The following PSD3 variants were observed in gnomAD, a reference collection of about 807,000 sequenced individuals.
The protein encoded by PSD3 is PH and SEC7 domain-containing protein 3.
Under a neutral mutation model 105.5 loss-of-function variants are expected in PSD3, and 49 were observed. That is an observed-to-expected ratio of 0.46 (90% CI 0.37 to 0.59). The LOEUF (loss-of-function observed/expected upper bound fraction) is 0.59. Among genes scored for constraint, PSD3 ranks in the 20% least tolerant of loss-of-function variants. The probability of loss-of-function intolerance (pLI) is 0.00; values close to 1 mark genes in which losing one functional copy is unlikely to be tolerated. For missense variants in PSD3, 1,561 were observed against 1,263.8 expected (o/e 1.24, Z -3.57); for synonymous variants, 557 against 457.8 (o/e 1.22, Z -2.77).
At chr8:18,571,654 A>C (rs1395952610) in intron 14 of PSD3, among the ~76,000 whole-genome samples, 1 of 152,218 alleles carries the variant, frequency 6.6e-6, no homozygotes. Flanking sequence ...ACAGGCACAC[A>C]ATACATATTT....
At chr8:18,592,629 T>A (rs981841623) in intron 12 of PSD3, among the ~76,000 whole-genome samples, 5 of 152,096 alleles carry the variant, frequency 3.3e-5, no homozygotes, top group African/African-American at 1.2e-4. Context: ...TCTGTGTATT[T>A]CTCAGCATAA....
intron 1 of PSD3, among the ~76,000 whole-genome samples, chr8:19,056,914 C>T (rs1417674044): frequency 6.6e-6 from 1 of 152,168 alleles, no homozygotes; most frequent in African/African-American, 2.4e-5. Flanking sequence ...ATCTCCCAAG[C>T]TGTGGGTGAT....
intron 11 of PSD3, among the ~76,000 whole-genome samples, chr8:18,603,057 G>A (rs1585357973): frequency 6.6e-6 from 1 of 152,296 alleles, no homozygotes; most frequent in East Asian, 1.9e-4. Context: ...CAAGGGCTGT[G>A]GGGAATCAAT....
intron 4 of PSD3, among the ~76,000 whole-genome samples, chr8:18,843,518 ACTT>A (rs1814826724): frequency 6.6e-6 from 1 of 152,136 alleles, no homozygotes; most frequent in African/African-American, 2.4e-5. Context: ...ATGGAAAGAT[ACTT>A]CAGAGCACTC....
intron 12 of PSD3, among the ~76,000 whole-genome samples, chr8:18,584,542 T>C (rs1380612745): frequency 3.3e-5 from 5 of 152,188 alleles, no homozygotes; most frequent in Non-Finnish European, 5.9e-5. Flanking sequence ...TTCTATGAGA[T>C]TGTGAAGCTC....
chr8:18,828,069 T>TATATATATATATA (rs534987630), intron 4 of PSD3, among the ~76,000 whole-genome samples: 13 of 97,898 alleles, frequency 1.3e-4, no homozygotes, highest in African/African-American at 3.9e-4. Context: ...ATATATATAT[T>TATATATATATATA]TTTTTTTTTT....
intron 10 of PSD3, among the ~76,000 whole-genome samples, chr8:18,633,806 T>C (rs1807064411): frequency 6.6e-6 from 1 of 152,176 alleles, no homozygotes; most frequent in Admixed American, 6.6e-5. Context: ...TGAATGGTAG[T>C]TCTTTTTTAT....
intron 2 of PSD3, among the ~76,000 whole-genome samples, chr8:18,906,593 A>G (rs1458075168): frequency 3.3e-5 from 5 of 152,208 alleles, no homozygotes; most frequent in African/African-American, 1.2e-4. Flanking sequence ...GGGACAATAT[A>G]TATGATCTTA....
chr8:18,889,676 C>G (rs1237975433), intron 2 of PSD3, among the ~76,000 whole-genome samples: 1 of 152,182 alleles, frequency 6.6e-6, no homozygotes. Flanking sequence ...TCCCTGTGAT[C>G]CCGTGCAATG....
At chr8:18,631,410 G>C (rs1251595489) in intron 11 of PSD3, among the ~76,000 whole-genome samples, 1 of 151,928 alleles carries the variant, frequency 6.6e-6, no homozygotes, top group Non-Finnish European at 1.5e-5. Flanking sequence ...GACTAAATGA[G>C]AAGTTAGGGA....
intron 1 of PSD3, among the ~76,000 whole-genome samples, chr8:18,956,428 T>C (rs933528489): frequency 2.0e-5 from 3 of 152,108 alleles, no homozygotes; most frequent in African/African-American, 4.8e-5. Context: ...CTGCAAATCA[T>C]AAGAAAGTAG....
At chr8:18,782,774 C>G (rs1808765009) in intron 8 of PSD3, among the ~76,000 whole-genome samples, 1 of 152,188 alleles carries the variant, frequency 6.6e-6, no homozygotes, top group South Asian at 2.1e-4. Context: ...CCCCAAGCTA[C>G]AGCTTTGGGT....
rs1331525534 is a variant in PSD3 at position 18,819,601 on chromosome 8, T to A, written c.1635-14703A>T. On this transcript the variant is annotated intron_variant, in intron 4 of 15. Transcript: ENST00000327040. ...TTTTTTTTTTTTTTTTTTTTTGAGA[T>A]GGAGTCTCACTCTGTCGCTCAGGCT... Among the ~76,000 whole-genome samples, 12 of 142,540 alleles carry A rather than the reference T, an allele frequency of 8.4e-5. No individual in the cohort carries two copies. The South Asian group carries it at 2.4e-3, about 28-fold the overall frequency. 93.5% of individuals were successfully genotyped at this position (142,540 alleles called of 152,430 possible).
intron 9 of PSD3, among the ~76,000 whole-genome samples, chr8:18,724,166 G>A (rs1295474843): frequency 1.3e-5 from 2 of 152,146 alleles, no homozygotes. Context: ...AGAATCATGT[G>A]GATTAGAGAT....
intron 11 of PSD3, among the ~76,000 whole-genome samples, chr8:18,607,380 A>T (rs918125544): frequency 2.6e-5 from 4 of 152,158 alleles, no homozygotes; most frequent in Non-Finnish European, 5.9e-5. Context: ...CCAAGATTTG[A>T]CCTGTATAAA....
At chr8:18,782,060 G>A (rs1161568455) in intron 8 of PSD3, among the ~76,000 whole-genome samples, 2 of 151,854 alleles carry the variant, frequency 1.3e-5, no homozygotes, top group Non-Finnish European at 2.9e-5. Context: ...CATCTTTGTT[G>A]AATTTCTCAT....
At chr8:18,903,234 G>T (rs1025981634) in intron 2 of PSD3, among the ~76,000 whole-genome samples, 60 of 152,244 alleles carry the variant, frequency 3.9e-4, no homozygotes, top group African/African-American at 1.4e-3. Flanking sequence ...TAGGCTCAAG[G>T]TGCAAGGTAT....
intron 1 of PSD3, among the ~76,000 whole-genome samples, chr8:18,941,118 T>C (rs932443532): frequency 1.3e-5 from 2 of 152,218 alleles, no homozygotes; most frequent in African/African-American, 4.8e-5. Flanking sequence ...GAATTCAGAC[T>C]ACTATTTCCT....
chr8:18,834,237 A>G (rs201280832), intron 4 of PSD3, among the ~76,000 whole-genome samples: 2 of 152,218 alleles, frequency 1.3e-5, no homozygotes, highest in African/African-American at 2.4e-5. Flanking sequence ...CCTAGAAACT[A>G]GCAGAAATCA....
Sources: allele counts gnomAD v4.1 joint callset (sites outside exome capture counted in the v4.1 genomes callset), GRCh38; gene constraint gnomAD v4.1.1; transcripts MANE v1.5; gene names NCBI Gene and HGNC (gene_info 2026-07-23, HGNC 2026-07-21).